The following SCAI variants were observed in gnomAD, a reference collection of about 807,000 sequenced individuals.
SCAI encodes suppressor of cancer cell invasion, also known as protein SCAI.
A neutral mutation model predicts 92.2 loss-of-function variants in SCAI; 24 were observed. That is an observed-to-expected ratio of 0.26 (90% CI 0.19 to 0.37). SCAI has a LOEUF of 0.37. Among genes scored for constraint, SCAI ranks in the 10% least tolerant of loss-of-function variants. The pLI is 1.00. For missense variants in SCAI, 450 were observed against 736.2 expected, an observed-to-expected ratio of 0.61 and a Z score of 4.50; for synonymous variants, 261 against 258.6, an observed-to-expected ratio of 1.01 and a Z score of -0.09.
rs1272572024 is a variant in SCAI at position 124,949,263 on chromosome 9, G to T, written c.*3544C>A. 1 of 152,378 alleles carries T rather than the reference G, an allele frequency of 6.6e-6. No individual in the cohort carries two copies. The highest frequency in any genetic ancestry group is 1.5e-5 in the Non-Finnish European group (1 of 68,152). The allele number at this position is 152,378 out of a possible 1,614,324, so 9.4% of individuals were successfully genotyped here. A position where few individuals can be genotyped will look rare whatever the true frequency, so the allele number is the denominator to read the frequency against. On this transcript the variant is annotated 3_prime_UTR_variant, in exon 18 of 18. Coordinates refer to ENST00000336505, the MANE Select transcript of SCAI (RefSeq NM_001144877.3). The surrounding 1 kb of genome is among the most constrained non-coding windows in gnomAD (Gnocchi z 4.0). ...AGCTACTGGGGAGGCTGAGGCAGGA[G>T]AATCACTTGAAACTGGAAGGTGGAG...
intron 9 of SCAI, among the ~76,000 whole-genome samples, chr9:125,013,566 A>G (rs11525946): frequency 1.3e-5 from 2 of 152,354 alleles, no homozygotes; most frequent in East Asian, 1.9e-4. Flanking sequence ...AGAGTCCAGG[A>G]CCAGACGGAT....
At chr9:125,081,136 G>T (rs1005917700) in intron 2 of SCAI, among the ~76,000 whole-genome samples, 1 of 152,220 alleles carries the variant, frequency 6.6e-6, no homozygotes, top group African/African-American at 2.4e-5. Flanking sequence ...ATGTCTTTGT[G>T]AGCAGAGTGA....
At chr9:125,115,657 C>T (rs1262761201) in intron 2 of SCAI, among the ~76,000 whole-genome samples, 1 of 151,742 alleles carries the variant, frequency 6.6e-6, no homozygotes, top group Non-Finnish European at 1.5e-5. Flanking sequence ...AAATCTGAAA[C>T]TAAAAAATCA....
In SCAI at chr9:124,943,017, A is replaced by G. The variant is rs1397028416; in HGVS notation, c.*9790T>C. ...AGTCAAAAGTGATGAACTCAAGAAA[A>G]TAAAATGTTTCAAGAACTTCTCAAT... On this transcript the variant is annotated 3_prime_UTR_variant, in exon 18 of 18. Transcript: ENST00000336505. The G allele has an allele frequency of 1.3e-5, 2 of 152,264 alleles. No homozygotes were observed. Among genetic ancestry groups the G allele is most frequent in the Non-Finnish European group, 2.9e-5 (2 of 68,048 alleles). The allele number at this position is 152,264 out of a possible 1,614,324, so 9.4% of individuals were successfully genotyped here.
chr9:124,970,815 A>AT (rs923075797), intron 17 of SCAI, among the ~76,000 whole-genome samples: 7 of 151,910 alleles, frequency 4.6e-5, no homozygotes, highest in South Asian at 2.1e-4. Flanking sequence ...TTCTACTTTT[A>AT]TTTTTTTTAA....
rs76911144 is a variant in SCAI, at chr9:125,084,590, A to C, written c.99-28583T>G. On this transcript the variant is annotated intron_variant, in intron 2 of 17. Coordinates refer to ENST00000336505, the MANE Select transcript of SCAI (RefSeq NM_001144877.3). Reference sequence around the variant, plus strand: ...GCTGCTTCTTCTGACTGACCACAGAAAGGGAGCACTCTGGTTCCCCTAGAG... The same window carrying C: ...GCTGCTTCTTCTGACTGACCACAGACAGGGAGCACTCTGGTTCCCCTAGAG... Among the ~76,000 whole-genome samples the C allele has an allele frequency of 4.5e-3, 692 of 152,206 alleles. 4 individuals are homozygous for C. The highest frequency in any genetic ancestry group is 0.016 in the African/African-American group (654 of 41,538).
chr9:125,111,216 AAATC>A (rs1423578102), intron 2 of SCAI, among the ~76,000 whole-genome samples: 2 of 152,188 alleles, frequency 1.3e-5, no homozygotes, highest in Non-Finnish European at 2.9e-5. Context: ...TTTAAAAAAA[AAATC>A]AATCAAATTA....
At chr9:125,021,600 T>C (rs1832871406) in intron 6 of SCAI, among the ~76,000 whole-genome samples, 2 of 152,214 alleles carry the variant, frequency 1.3e-5, no homozygotes, top group African/African-American at 2.4e-5. Flanking sequence ...TTACCAATCA[T>C]CAATTCAAAC....
intron 2 of SCAI, among the ~76,000 whole-genome samples, chr9:125,122,628 T>C (rs990168287): frequency 7.5e-6 from 1 of 133,894 alleles, no homozygotes; most frequent in Non-Finnish European, 1.6e-5. Flanking sequence ...GGTTGTGCAC[T>C]GTGCAGTGGC....
chr9:125,100,482 C>T (rs1166253616), intron 2 of SCAI, among the ~76,000 whole-genome samples: 2 of 152,134 alleles, frequency 1.3e-5, no homozygotes, highest in Non-Finnish European at 2.9e-5. Flanking sequence ...GACTCAATTT[C>T]GGTTCTAAGT....
intron 2 of SCAI, among the ~76,000 whole-genome samples, chr9:125,069,009 A>G (rs1833923930): frequency 6.6e-6 from 1 of 152,038 alleles, no homozygotes; most frequent in African/African-American, 2.4e-5. Flanking sequence ...TGTGGTCAGG[A>G]GTTCAAGACC....
intron 17 of SCAI, among the ~76,000 whole-genome samples, chr9:124,965,382 C>T (rs761302720): frequency 1.4e-4 from 22 of 152,008 alleles, no homozygotes; most frequent in Admixed American, 1.3e-3. Flanking sequence ...TACAGGCTCA[C>T]GCCACGACGC....
intron 2 of SCAI, among the ~76,000 whole-genome samples, chr9:125,068,361 A>G (rs1833912243): frequency 6.6e-6 from 1 of 152,124 alleles, no homozygotes; most frequent in African/African-American, 2.4e-5. Context: ...TTAGCCAGGC[A>G]TGATGGCATG....
At chr9:125,029,910 A>G (rs1225921175) in intron 3 of SCAI, among the ~76,000 whole-genome samples, 171 bp from the exon 4 acceptor site, 1 of 152,190 alleles carries the variant, frequency 6.6e-6, no homozygotes, top group Non-Finnish European at 1.5e-5. Context: ...GGTCCAGGAC[A>G]TGCTCTTTTC....
intron 17 of SCAI, among the ~76,000 whole-genome samples, chr9:124,965,631 C>G (rs900740299): frequency 5.3e-5 from 8 of 152,164 alleles, no homozygotes; most frequent in African/African-American, 7.2e-5. Flanking sequence ...GGTTTTCATG[C>G]CTGCTAACGT....
intron 17 of SCAI, among the ~76,000 whole-genome samples, chr9:124,954,927 A>C (rs1257542887): frequency 6.6e-6 from 1 of 152,186 alleles, no homozygotes; most frequent in African/African-American, 2.4e-5. Context: ...GCACACTGGG[A>C]GGCCAAAGCA....
chr9:125,032,193 A>ATTTTTTTTT lies in SCAI; in HGVS notation c.231-2455_231-2454insAAAAAAAAA, dbSNP rs766382699. Among the ~76,000 whole-genome samples the ATTTTTTTTT allele has an allele frequency of 2.1e-4, 23 of 108,930 alleles. 1 individual carries two copies. The highest frequency in any genetic ancestry group is 9.4e-4 in the African/African-American group (23 of 24,538). The allele number at this position is 108,930 out of a possible 152,430, so 71.5% of individuals were successfully genotyped here. On this transcript the variant is annotated intron_variant, in intron 3 of 17. Coordinates refer to ENST00000336505, the MANE Select transcript of SCAI (RefSeq NM_001144877.3). ...TGAATATATATATATATATATATAT[A>ATTTTTTTTT]TATTTTTTTTTTTTTTTGAGATGGA...
chr9:125,062,698 T>C (rs827658), intron 2 of SCAI, among the ~76,000 whole-genome samples: 109,778 of 150,400 alleles, frequency 0.73, 40,757 homozygotes, highest in Non-Finnish European at 0.81. Flanking sequence ...GGGGTTGCAG[T>C]GAGCCAAAAT....
At chr9:124,996,629 T>A (rs962617791) in intron 13 of SCAI, among the ~76,000 whole-genome samples, 7 of 151,826 alleles carry the variant, frequency 4.6e-5, no homozygotes, top group African/African-American at 7.3e-5. Flanking sequence ...TCATTTATTT[T>A]TTTTTATTTA....
Sources: allele counts gnomAD v4.1 joint callset (sites outside exome capture counted in the v4.1 genomes callset), GRCh38; gene constraint gnomAD v4.1.1; non-coding constraint Gnocchi (gnomAD v3.1); transcripts MANE v1.5; gene names NCBI Gene and HGNC (gene_info 2026-07-23, HGNC 2026-07-21).